CAST: variants seen among roughly 807,000 people sequenced by gnomAD.
CAST encodes MIR583 host.
In CAST, 76 loss-of-function variants were observed where a neutral mutation model predicts 119.6. That is an observed-to-expected ratio of 0.64 (90% CI 0.53 to 0.77). CAST has a LOEUF of 0.77. CAST is among the 30% of genes least tolerant of loss of function. The pLI is 0.00. For missense variants in CAST, 953 were observed against 946.5 expected (o/e 1.01, Z -0.09); for synonymous variants, 319 against 331.6 (o/e 0.96, Z 0.41).
chr5:96,743,559 CATCAG>C, intron 16 of CAST: 1 of 1,569,682 alleles, frequency 6.4e-7, no homozygotes, highest in South Asian at 1.2e-5. Context: ...TGTTCTGAGT[CATCAG>C]GGAAGGGGAG....
At chr5:96,140,559 C>T in the CAST span, among the ~76,000 whole-genome samples, 1 of 152,190 alleles carries the variant, frequency 6.6e-6, no homozygotes, top group African/African-American at 2.4e-5. Context: ...GCTCTGAGCC[C>T]AGATTCTGAC....
chr5:96,584,371 G>A (rs538277888), intron 1 of CAST: 5 of 152,154 alleles, frequency 3.3e-5, no homozygotes, highest in African/African-American at 1.2e-4. Flanking sequence ...GATCAGTATC[G>A]GTCCATGGCC....
chr5:96,531,898 A>T (rs1028927715), intron 1 of CAST, among the ~76,000 whole-genome samples: 3 of 152,208 alleles, frequency 2.0e-5, no homozygotes, highest in Middle Eastern at 3.2e-3. Context: ...CAAAAGGAAA[A>T]TTCAATGGGA....
chr5:96,345,347 A>G, the CAST span, among the ~76,000 whole-genome samples: 64 of 152,206 alleles, frequency 4.2e-4, no homozygotes, highest in South Asian at 2.5e-3. Context: ...ATGATACACT[A>G]TTTTACTGAT....
At chr5:96,113,338 G>A in the CAST span, among the ~76,000 whole-genome samples, 1 of 152,146 alleles carries the variant, frequency 6.6e-6, no homozygotes, top group Non-Finnish European at 1.5e-5. Flanking sequence ...TCCTGAAAGT[G>A]CCTATTTAAT....
chr5:96,693,450 G>A (rs898096619), intron 2 of CAST, among the ~76,000 whole-genome samples: 6 of 152,200 alleles, frequency 3.9e-5, no homozygotes, highest in African/African-American at 1.4e-4. Context: ...AAGTATGTGG[G>A]CTTTGATGTA....
At chr5:96,081,374 G>T in the CAST span, among the ~76,000 whole-genome samples, 32 of 152,322 alleles carry the variant, frequency 2.1e-4, no homozygotes, top group Admixed American at 5.2e-4. Context: ...GAGGGAACTT[G>T]TGAAGTCCCA....
the CAST span, among the ~76,000 whole-genome samples, chr5:96,516,783 C>CAA: frequency 2.6e-5 from 4 of 152,178 alleles, no homozygotes; most frequent in Non-Finnish European, 5.9e-5. Flanking sequence ...TTCTAACATG[C>CAA]ATTTGTATTT....
At chr5:96,272,343 C>A in the CAST span, among the ~76,000 whole-genome samples, 1 of 151,854 alleles carries the variant, frequency 6.6e-6, no homozygotes, top group Non-Finnish European at 1.5e-5. Context: ...TTCACGATAG[C>A]CAAAAGATCA....
intron 1 of CAST, among the ~76,000 whole-genome samples, chr5:96,531,544 G>A (rs548345504): frequency 6.6e-6 from 1 of 152,256 alleles, no homozygotes; most frequent in East Asian, 1.9e-4. Context: ...TCTATAAGTT[G>A]GCAAGGCCTA....
At chr5:96,118,100 G>A in the CAST span, among the ~76,000 whole-genome samples, 21 of 152,278 alleles carry the variant, frequency 1.4e-4, no homozygotes, top group Non-Finnish European at 2.8e-4. Context: ...CCTTTCAAAT[G>A]TTTACATGAG....
intron 1 of CAST, among the ~76,000 whole-genome samples, chr5:96,625,374 A>G (rs1747702934): frequency 6.6e-6 from 1 of 152,220 alleles, no homozygotes; most frequent in Non-Finnish European, 1.5e-5. Context: ...GGAATAGACC[A>G]AAATTGTGTC....
chr5:96,757,568 T>G lies in CAST; in HGVS notation c.1762-15T>G. 6.2e-7 allele frequency: 1 copy of G among 1,613,536 alleles called. No individual in the cohort carries two copies. Among genetic ancestry groups the G allele is most frequent in the Non-Finnish European group, 8.5e-7 (1 of 1,179,420 alleles). ...TTGCAATGGTGTTTGTTGATACATT[T>G]CCTGGTTCTTGCAGCCCATGAGTGA... On this transcript the variant is annotated splice_polypyrimidine_tract_variant and intron_variant, in intron 23 of 31. Transcript: ENST00000675179.
chr5:96,110,380 A>T, the CAST span, among the ~76,000 whole-genome samples: 1 of 152,226 alleles, frequency 6.6e-6, no homozygotes, highest in African/African-American at 2.4e-5. Context: ...ATCCTCTGAT[A>T]AAGTAAGATC....
chr5:96,252,469 C>T, the CAST span, among the ~76,000 whole-genome samples: 1 of 152,046 alleles, frequency 6.6e-6, no homozygotes, highest in Non-Finnish European at 1.5e-5. Flanking sequence ...GATTAACTTA[C>T]CTTTGCATTG....
At chr5:96,765,182 G>A in intron 25 of CAST, 39 bp from the exon 26 acceptor site, 1 of 1,161,094 alleles carries the variant, frequency 8.6e-7, no homozygotes, top group Non-Finnish European at 1.3e-6. Flanking sequence ...GATACAGTTT[G>A]GCTAATGAGT....
chr5:96,270,555 G>T, the CAST span, among the ~76,000 whole-genome samples: 5 of 152,080 alleles, frequency 3.3e-5, no homozygotes, highest in Non-Finnish European at 7.4e-5. Flanking sequence ...TGTTCTTTGC[G>T]GGGACATGGA....
the CAST span, among the ~76,000 whole-genome samples, chr5:96,336,026 C>T: frequency 6.6e-6 from 1 of 152,200 alleles, no homozygotes; most frequent in Non-Finnish European, 1.5e-5. Flanking sequence ...CTGGCCCACT[C>T]CATTCTCTCT....
At position 96,534,737 on chromosome 5, in the gene CAST, G is replaced by GAGAGAGAAAGAGAA. The variant is rs1561408818; in HGVS notation, c.60+4862_60+4863insGAAAGAGAAAGAGA. Among the ~76,000 whole-genome samples the GAGAGAGAAAGAGAA allele has an allele frequency of 3.5e-4, 5 of 14,202 alleles. 1 individual carries two copies. The highest frequency in any genetic ancestry group is 7.4e-3 in the East Asian group (2 of 270). The allele number at this position is 14,202 out of a possible 152,430, so 9.3% of individuals were successfully genotyped here. ...AAGGAGAGAGAGAGAGAGAGAGAGA[G>GAGAGAGAAAGAGAA]AGAGAAAGAAAGAAAGAAAGAAAGA... On this transcript the variant is annotated intron_variant, in intron 1 of 11. Coordinates refer to the CAST transcript ENST00000505143.
Sources: allele counts gnomAD v4.1 joint callset (sites outside exome capture counted in the v4.1 genomes callset), GRCh38; gene constraint gnomAD v4.1.1; transcripts MANE v1.5; gene names NCBI Gene and HGNC (gene_info 2026-07-23, HGNC 2026-07-21).